Variants in SH3GL3 observed in about 807,000 individuals in gnomAD.
SH3GL3 encodes SH3 domain containing GRB2 like 3, endophilin A3, also known as endophilin-A3.
In SH3GL3, 33 loss-of-function variants were observed where a neutral mutation model predicts 47.7. That is an observed-to-expected ratio of 0.69 (90% confidence interval 0.52 to 0.92). The LOEUF is 0.92. Ranked by LOEUF, SH3GL3 falls within the 40% of genes least tolerant of loss-of-function variation. The pLI is 0.00. For synonymous variants in SH3GL3, 155 were observed against 148.8 expected (o/e 1.04, Z -0.30); for missense variants, 363 against 417.8 (o/e 0.87, Z 1.14).
intron 1 of SH3GL3, among the ~76,000 whole-genome samples, chr15:83,495,156 A>C (rs1276165268): frequency 1.3e-5 from 2 of 152,030 alleles, no homozygotes; most frequent in Admixed American, 1.3e-4. Flanking sequence ...CATCTGTGGT[A>C]TATAATCCCA....
At chr15:83,496,727 C>T (rs2042095246) in intron 1 of SH3GL3, among the ~76,000 whole-genome samples, 1 of 152,162 alleles carries the variant, frequency 6.6e-6, no homozygotes, top group Non-Finnish European at 1.5e-5. Flanking sequence ...TAGTAGCTGG[C>T]ATCATGGCTA....
intron 1 of SH3GL3, chr15:83,490,837 G>A: frequency 6.2e-7 from 1 of 1,614,152 alleles, no homozygotes; most frequent in East Asian, 2.2e-5. Context: ...TGAATGAATG[G>A]ATGGAATCTT....
intron 1 of SH3GL3, among the ~76,000 whole-genome samples, chr15:83,543,681 G>A (rs1312718047): frequency 2.0e-5 from 3 of 151,756 alleles, no homozygotes; most frequent in Non-Finnish European, 4.4e-5. Context: ...CAAATGAGAG[G>A]TTTGATCTTG....
chr15:83,565,491 A>G, intron 3 of SH3GL3: 1 of 300,800 alleles, frequency 3.3e-6, no homozygotes. Context: ...TGCTTCAGAA[A>G]GCCACTAAAC....
chr15:83,620,110 A>T (rs953118213), downstream of SH3GL3, among the ~76,000 whole-genome samples: 2 of 152,230 alleles, frequency 1.3e-5, no homozygotes, highest in Non-Finnish European at 2.9e-5. Context: ...GCAGGAATTC[A>T]GTCACATCTT....
intron 1 of SH3GL3, among the ~76,000 whole-genome samples, chr15:83,484,516 T>G (rs943059575): frequency 1.3e-5 from 2 of 152,202 alleles, no homozygotes; most frequent in African/African-American, 4.8e-5. Context: ...ATGAAATTGC[T>G]GAAGTCAGTA....
At position 83,618,254 on chromosome 15, in the gene SH3GL3, T is replaced by A; in HGVS notation, c.1011T>A (p.Asn337Lys). ...GAGAATCGGGATTCTTCCCCATTAA[T>A]TACGTGGAAGTGATCGTGCCTTTAC... ...IHGESGFFPI[N>K]YVEVIVPLPQ The change falls in exon 9 of 9, where the codon AAT (asparagine) becomes AAA (lysine). Residue 337 changes from asparagine (N) to lysine (K), a missense_variant. Transcript: ENST00000427482. 1 of 1,611,986 alleles carries A rather than the reference T, an allele frequency of 6.2e-7. No homozygotes were observed. The highest frequency in any genetic ancestry group is 8.5e-7 in the Non-Finnish European group (1 of 1,178,000).
In SH3GL3 at chr15:83,546,438, T is replaced by C. The variant is rs2044401845; in HGVS notation, c.46-12815T>C. On this transcript the variant is annotated intron_variant, in intron 1 of 8. Coordinates refer to ENST00000427482, the MANE Select transcript of SH3GL3 (RefSeq NM_003027.5). ...CTCCTTTCAATGCAGTGGGTTCCCT[T>C]CTGGCCCAGGGTGGGTTAAGGAATG... Among the ~76,000 whole-genome samples, 2 of 151,396 alleles carry C rather than the reference T, an allele frequency of 1.3e-5. 1 individual carries two copies. Among genetic ancestry groups the C allele is most frequent in the Admixed American group, 1.3e-4 (2 of 15,170 alleles).
intron 1 of SH3GL3, among the ~76,000 whole-genome samples, chr15:83,545,021 T>C (rs1380675878): frequency 1.3e-5 from 2 of 152,184 alleles, no homozygotes; most frequent in African/African-American, 4.8e-5. Context: ...TTAAATCTGC[T>C]TGGTGTTCTA....
rs1173126865 is a variant in SH3GL3 at position 83,447,722 on chromosome 15, G to C, written c.45+144G>C. ...CCCGCCTAGGAGGGCGCGAGGGTGG[G>C]GTGAGGGGCCGCCTGCTCTCTCCTC... On this transcript the variant is annotated intron_variant, in intron 1 of 8. Transcript: ENST00000427482. The surrounding 1 kb of genome is among the most constrained non-coding windows in gnomAD (Gnocchi z 5.1). 3.8e-6 allele frequency: 2 copies of C among 527,306 alleles called. No homozygotes were observed. The highest frequency in any genetic ancestry group is 6.4e-6 in the Non-Finnish European group (2 of 311,844). 32.7% of individuals were successfully genotyped at this position (527,306 alleles called of 1,614,324 possible). A position where few individuals can be genotyped will look rare whatever the true frequency, so the allele number is the denominator to read the frequency against.
chr15:83,564,533 G>A (rs537400066), intron 2 of SH3GL3, among the ~76,000 whole-genome samples: 23 of 152,288 alleles, frequency 1.5e-4, no homozygotes, highest in African/African-American at 5.3e-4. Flanking sequence ...CAACCAGAAA[G>A]TCCAGGAATG....
At chr15:83,508,636 G>A (rs2151624463) in intron 1 of SH3GL3, among the ~76,000 whole-genome samples, 1 of 152,088 alleles carries the variant, frequency 6.6e-6, no homozygotes, top group Middle Eastern at 3.4e-3. Flanking sequence ...GGAGTGCAGT[G>A]GCACGATCTC....
chr15:83,469,764 A>C (rs893658883), intron 1 of SH3GL3, among the ~76,000 whole-genome samples: 4 of 152,334 alleles, frequency 2.6e-5, no homozygotes, highest in African/African-American at 9.6e-5. Flanking sequence ...CTGTGGGTAC[A>C]TTAAAACGAT....
chr15:83,575,888 C>T (rs1029699242), intron 5 of SH3GL3, among the ~76,000 whole-genome samples: 7 of 152,108 alleles, frequency 4.6e-5, no homozygotes, highest in African/African-American at 1.7e-4. Flanking sequence ...AGCACTGTTT[C>T]TGACACGGGG....
chr15:83,626,236 C>A, the SH3GL3 span, among the ~76,000 whole-genome samples: 2 of 152,186 alleles, frequency 1.3e-5, no homozygotes, highest in African/African-American at 4.8e-5. Context: ...ACTCCTGCTT[C>A]TCCCCATCTC....
intron 1 of SH3GL3, among the ~76,000 whole-genome samples, chr15:83,512,760 C>T (rs2042820030): frequency 6.6e-6 from 1 of 152,040 alleles, no homozygotes; most frequent in South Asian, 2.1e-4. Flanking sequence ...CTCTGTTTTC[C>T]CCACCTTTGC....
At chr15:83,518,439 T>C (rs1286409755) in intron 1 of SH3GL3, among the ~76,000 whole-genome samples, 1 of 152,254 alleles carries the variant, frequency 6.6e-6, no homozygotes, top group African/African-American at 2.4e-5. Flanking sequence ...TTCTGACTGG[T>C]GTGAGATGGT....
At chr15:83,472,402 T>C (rs2040871853) in intron 1 of SH3GL3, among the ~76,000 whole-genome samples, 1 of 152,224 alleles carries the variant, frequency 6.6e-6, no homozygotes, top group Non-Finnish European at 1.5e-5. Flanking sequence ...CTTATTTTTT[T>C]CCTGCAGTTT....
At chr15:83,506,228 A>T (rs2042496852) in intron 1 of SH3GL3, among the ~76,000 whole-genome samples, 1 of 152,212 alleles carries the variant, frequency 6.6e-6, no homozygotes, top group African/African-American at 2.4e-5. Flanking sequence ...GTTTTCATTT[A>T]AAAATATTTA....
Sources: gnomAD v4.1 joint callset for allele counts (sites outside exome capture counted in the v4.1 genomes callset) on GRCh38, gnomAD v4.1.1 for gene constraint, Gnocchi (gnomAD v3.1) non-coding constraint, MANE v1.5 for transcripts, NCBI Gene and HGNC (gene_info 2026-07-23, HGNC 2026-07-21) for gene names.